The following PPP2R2B variants were observed in gnomAD, a reference collection of about 807,000 sequenced individuals.
PPP2R2B encodes serine/threonine-protein phosphatase 2A 55 kDa regulatory subunit B beta isoform.
PPP2R2B carries 5 observed loss-of-function variants against 46.0 expected under a neutral mutation model. That is an observed-to-expected ratio of 0.11 (90% CI 0.06 to 0.23). The LOEUF is 0.23. PPP2R2B is among the 10% of genes least tolerant of loss of function. The pLI is 1.00. For synonymous variants in PPP2R2B, 215 were observed against 206.7 expected (o/e 1.04, Z -0.34); for missense variants, 367 against 575.0 (o/e 0.64, Z 3.70).
intron 1 of PPP2R2B, among the ~76,000 whole-genome samples, chr5:146,886,451 G>A (rs1284347765): frequency 6.6e-6 from 1 of 152,084 alleles, no homozygotes; most frequent in Non-Finnish European, 1.5e-5. Context: ...GAATTGTATA[G>A]TTTAAAAGTT....
chr5:146,756,978 A>G (rs1363851489), intron 2 of PPP2R2B, among the ~76,000 whole-genome samples: 1 of 152,210 alleles, frequency 6.6e-6, no homozygotes, highest in Non-Finnish European at 1.5e-5. Flanking sequence ...AGGAGGGTAG[A>G]CAATGGAGAG....
At chr5:146,725,510 T>G (rs1012840206) in intron 2 of PPP2R2B, among the ~76,000 whole-genome samples, 4 of 152,202 alleles carry the variant, frequency 2.6e-5, no homozygotes, top group Non-Finnish European at 5.9e-5. Flanking sequence ...TAGAAGATAA[T>G]CTTAATTCTT....
chr5:146,714,120 A>G (rs1780355212), intron 2 of PPP2R2B, among the ~76,000 whole-genome samples: 1 of 152,128 alleles, frequency 6.6e-6, no homozygotes, highest in Admixed American at 6.5e-5. Context: ...AACAAAGAGA[A>G]TGACCAGTGA....
chr5:146,880,614 A>G (rs1040788454), upstream of PPP2R2B, among the ~76,000 whole-genome samples: 1 of 152,132 alleles, frequency 6.6e-6, no homozygotes, highest in Non-Finnish European at 1.5e-5. Context: ...GTATTTGGGA[A>G]AATTTCCCCT....
At chr5:146,636,224 C>T (rs769029351) in intron 7 of PPP2R2B, among the ~76,000 whole-genome samples, 2 of 152,108 alleles carry the variant, frequency 1.3e-5, no homozygotes, top group Non-Finnish European at 2.9e-5. Context: ...CTTCTCCAAC[C>T]GGGGTACCTG....
intron 1 of PPP2R2B, among the ~76,000 whole-genome samples, chr5:146,992,003 TC>T (rs1346295110): frequency 6.6e-6 from 1 of 152,152 alleles, no homozygotes; most frequent in African/African-American, 2.4e-5. Flanking sequence ...TTAAAATTTT[TC>T]ATAGAAATAG....
At chr5:146,908,222 A>G (rs1763064696) in intron 1 of PPP2R2B, among the ~76,000 whole-genome samples, 6 of 152,194 alleles carry the variant, frequency 3.9e-5, no homozygotes, top group Admixed American at 3.9e-4. Context: ...TATTAGCTTG[A>G]AGTAGATCAC....
At chr5:146,893,047 A>G (rs1027271768) in intron 1 of PPP2R2B, among the ~76,000 whole-genome samples, 2 of 152,132 alleles carry the variant, frequency 1.3e-5, no homozygotes, top group African/African-American at 4.8e-5. Context: ...TTTCTTGAAG[A>G]ACTCTGAGCT....
chr5:146,715,808 C>G (rs1409282884), intron 2 of PPP2R2B, among the ~76,000 whole-genome samples: 1 of 152,064 alleles, frequency 6.6e-6, no homozygotes, highest in Non-Finnish European at 1.5e-5. Flanking sequence ...CTTCTGTATA[C>G]TATCTCTTCT....
At chr5:146,604,711 C>T (rs1405470258) in intron 7 of PPP2R2B, among the ~76,000 whole-genome samples, 1 of 152,150 alleles carries the variant, frequency 6.6e-6, no homozygotes, top group Admixed American at 6.5e-5. Context: ...AAGGAAGGTA[C>T]TATCACTCTT....
At chr5:146,983,057 C>T (rs1753247768) in intron 1 of PPP2R2B, among the ~76,000 whole-genome samples, 1 of 151,192 alleles carries the variant, frequency 6.6e-6, no homozygotes, top group African/African-American at 2.4e-5. Flanking sequence ...GGTTTTAAAT[C>T]TCTCATTTTA....
intron 4 of PPP2R2B, among the ~76,000 whole-genome samples, chr5:146,693,885 C>G (rs1308997977): frequency 6.6e-6 from 1 of 152,208 alleles, no homozygotes; most frequent in Non-Finnish European, 1.5e-5. Context: ...TCAATGATGT[C>G]AGCACATCCT....
chr5:146,719,795 T>C (rs1262624876), intron 2 of PPP2R2B, among the ~76,000 whole-genome samples: 1 of 152,074 alleles, frequency 6.6e-6, no homozygotes, highest in African/African-American at 2.4e-5. Flanking sequence ...ACATTTTGAA[T>C]GAGTTTCTAT....
chr5:146,862,567 G>T (rs979907960), intron 2 of PPP2R2B, among the ~76,000 whole-genome samples: 7 of 152,148 alleles, frequency 4.6e-5, no homozygotes, highest in Non-Finnish European at 1.0e-4. Flanking sequence ...CTGGAGGCAG[G>T]CCTTGCAGGT....
At chr5:146,687,095 A>AGAGAGG (rs1241358966) in intron 5 of PPP2R2B, among the ~76,000 whole-genome samples, 1 of 151,194 alleles carries the variant, frequency 6.6e-6, no homozygotes, top group Non-Finnish European at 1.5e-5. Context: ...AGGGAGAGGA[A>AGAGAGG]GAGAGGGAGA....
At chr5:147,070,098 T>G (rs984266697) in intron 2 of PPP2R2B, among the ~76,000 whole-genome samples, 1 of 152,126 alleles carries the variant, frequency 6.6e-6, no homozygotes, top group Non-Finnish European at 1.5e-5. Flanking sequence ...CCATTTTATA[T>G]TCTTTATAGC....
At chr5:146,931,410 C>A (rs1157197181) in intron 1 of PPP2R2B, among the ~76,000 whole-genome samples, 7 of 152,034 alleles carry the variant, frequency 4.6e-5, no homozygotes, top group African/African-American at 4.8e-5. Flanking sequence ...GGAAATAGCA[C>A]CCTCTCTCAA....
chr5:146,960,312 C>T (rs751997014), intron 1 of PPP2R2B, among the ~76,000 whole-genome samples: 54 of 151,994 alleles, frequency 3.6e-4, no homozygotes, highest in Non-Finnish European at 3.7e-4. Context: ...TTTTTTTTGA[C>T]GGAGTCTCAC....
intron 2 of PPP2R2B, among the ~76,000 whole-genome samples, chr5:146,810,690 C>A (rs1398760629): frequency 6.6e-6 from 1 of 152,034 alleles, no homozygotes; most frequent in Non-Finnish European, 1.5e-5. Context: ...GACTTCCAGT[C>A]TCTATGGCTC....
Sources: allele counts gnomAD v4.1 joint callset (sites outside exome capture counted in the v4.1 genomes callset), GRCh38; gene constraint gnomAD v4.1.1; transcripts MANE v1.5; gene names NCBI Gene and HGNC (gene_info 2026-07-23, HGNC 2026-07-21).